The following FHIT variants were observed in gnomAD, a reference collection of about 807,000 sequenced individuals.
FHIT encodes bis(5'-adenosyl)-triphosphatase.
In FHIT, 19 loss-of-function variants were observed where a neutral mutation model predicts 17.9. The observed-to-expected ratio is 1.06, with a 90% CI of 0.74 to 1.56. The LOEUF (loss-of-function observed/expected upper bound fraction) is 1.56, where lower values mean the gene tolerates loss of function less well. Among genes scored for constraint, FHIT ranks in the 40% most tolerant of loss-of-function variants. The pLI is 0.00. For synonymous variants in FHIT, 81 were observed against 69.7 expected (o/e 1.16, Z -0.81); for missense variants, 248 against 189.2 (o/e 1.31, Z -1.82).
chr3:59,754,940 T>TA (rs1701129730), intron 8 of FHIT, among the ~76,000 whole-genome samples: 2 of 149,376 alleles, frequency 1.3e-5, no homozygotes, highest in Non-Finnish European at 3.0e-5. Flanking sequence ...TAGGAAGCTT[T>TA]AAAAAATAAA....
intron 5 of FHIT, among the ~76,000 whole-genome samples, chr3:60,501,890 G>A (rs1286068379): frequency 6.6e-6 from 1 of 152,214 alleles, no homozygotes; most frequent in Non-Finnish European, 1.5e-5. Flanking sequence ...TAGGAGTGAA[G>A]TACTCAAAGA....
intron 4 of FHIT, among the ~76,000 whole-genome samples, chr3:60,786,384 A>G (rs916835764): frequency 6.6e-6 from 1 of 152,230 alleles, no homozygotes; most frequent in Non-Finnish European, 1.5e-5. Flanking sequence ...CAAAATTTTG[A>G]AAGTTATTAA....
intron 5 of FHIT, among the ~76,000 whole-genome samples, chr3:60,086,241 C>T (rs1028650062): frequency 4.6e-5 from 7 of 152,106 alleles, no homozygotes; most frequent in East Asian, 1.9e-4. Flanking sequence ...GGACAGGCAT[C>T]GATCTATTCA....
At chr3:60,032,509 G>A (rs1041877235) in intron 5 of FHIT, among the ~76,000 whole-genome samples, 4 of 151,920 alleles carry the variant, frequency 2.6e-5, no homozygotes, top group South Asian at 2.1e-4. Context: ...GTATACAAGC[G>A]TCACCAACAG....
chr3:60,141,214 G>T (rs1225049422), intron 5 of FHIT, among the ~76,000 whole-genome samples: 1 of 151,936 alleles, frequency 6.6e-6, no homozygotes, highest in African/African-American at 2.4e-5. Context: ...CCCTCTCCCT[G>T]TCTAAATGCA....
At chr3:60,075,667 C>A (rs1228098511) in intron 5 of FHIT, among the ~76,000 whole-genome samples, 1 of 151,914 alleles carries the variant, frequency 6.6e-6, no homozygotes, top group Admixed American at 6.6e-5. Flanking sequence ...ATTCCCCAGA[C>A]TAATAGGAAT....
chr3:60,757,105 T>C (rs1553718486), intron 4 of FHIT, among the ~76,000 whole-genome samples: 1 of 152,198 alleles, frequency 6.6e-6, no homozygotes, highest in Non-Finnish European at 1.5e-5. Context: ...TATTCAAGTA[T>C]GTGTTATTAA....
chr3:61,048,743 A>G (rs531658200), intron 2 of FHIT, among the ~76,000 whole-genome samples: 1 of 151,664 alleles, frequency 6.6e-6, no homozygotes, highest in East Asian at 1.9e-4. Flanking sequence ...GTCCAACAAT[A>G]GACTGGATTA....
At chr3:60,249,398 G>A (rs1705571566) in intron 5 of FHIT, among the ~76,000 whole-genome samples, 1 of 152,054 alleles carries the variant, frequency 6.6e-6, no homozygotes, top group Non-Finnish European at 1.5e-5. Flanking sequence ...GTGCTCTGAG[G>A]GAGGCTGACT....
At chr3:60,787,763 C>A (rs1700633201) in intron 4 of FHIT, among the ~76,000 whole-genome samples, 1 of 152,226 alleles carries the variant, frequency 6.6e-6, no homozygotes, top group Non-Finnish European at 1.5e-5. Flanking sequence ...TGTCACCCAA[C>A]ATGTACATTC....
chr3:60,092,528 G>A lies in FHIT; in HGVS notation c.104-78376C>T, dbSNP rs143349741. Among the ~76,000 whole-genome samples, 114 of 152,300 alleles carry A rather than the reference G, an allele frequency of 7.5e-4. 1 individual carries two copies. The highest frequency in any genetic ancestry group is 2.6e-3 in the African/African-American group (109 of 41,576). On this transcript the variant is annotated intron_variant, in intron 5 of 9. Coordinates refer to ENST00000492590, the MANE Select transcript of FHIT (RefSeq NM_002012.4). ...TTTAACTAAAAAGTATGTGAAACAT[G>A]ATAGCATTTCTAGATTGATTCCATT...
chr3:59,947,653 G>C (rs1012057339), intron 7 of FHIT, among the ~76,000 whole-genome samples: 4 of 152,194 alleles, frequency 2.6e-5, no homozygotes, highest in East Asian at 1.9e-4. Flanking sequence ...ACCCTGGGGG[G>C]GCTGGTACCA....
chr3:60,659,238 C>T (rs1163469288), intron 4 of FHIT, among the ~76,000 whole-genome samples: 2 of 151,922 alleles, frequency 1.3e-5, no homozygotes, highest in African/African-American at 4.8e-5. Context: ...TATACTGTGT[C>T]TTGTGTCTTG....
chr3:60,213,693 G>T (rs1050273771), intron 5 of FHIT, among the ~76,000 whole-genome samples: 4 of 152,124 alleles, frequency 2.6e-5, no homozygotes, highest in African/African-American at 4.8e-5. Flanking sequence ...TAATTAAACA[G>T]ATGGAAACCA....
chr3:61,209,277 A>T (rs1239457143), intron 1 of FHIT, among the ~76,000 whole-genome samples: 1 of 152,170 alleles, frequency 6.6e-6, no homozygotes, highest in African/African-American at 2.4e-5. Flanking sequence ...ACTTTGGTGA[A>T]TCTGACAATG....
At chr3:60,014,816 G>A (rs1339141119) in intron 5 of FHIT, among the ~76,000 whole-genome samples, 3 of 152,022 alleles carry the variant, frequency 2.0e-5, no homozygotes, top group Admixed American at 6.6e-5. Context: ...TGAACGAAAG[G>A]TTGTCTGTTT....
chr3:59,882,125 G>C (rs1703433381), intron 8 of FHIT, among the ~76,000 whole-genome samples: 1 of 151,466 alleles, frequency 6.6e-6, no homozygotes, highest in Non-Finnish European at 1.5e-5. Flanking sequence ...TTCAGGCACA[G>C]ACATGCTCAA....
intron 5 of FHIT, among the ~76,000 whole-genome samples, chr3:60,501,148 G>A (rs779832111): frequency 2.0e-5 from 3 of 152,162 alleles, no homozygotes; most frequent in Non-Finnish European, 2.9e-5. Context: ...TCACTCACCT[G>A]AGAACAAGCC....
In FHIT at chr3:59,769,731, ATT is replaced by A. The variant is rs11352722; in HGVS notation, c.349-17412_349-17411del. Among the ~76,000 whole-genome samples, 1,048 of 129,710 alleles carry A rather than the reference ATT, an allele frequency of 8.1e-3. 5 individuals carry two copies. Among genetic ancestry groups the A allele is most frequent in the African/African-American group, 0.02 (709 of 36,266 alleles). 85.1% of individuals were successfully genotyped at this position (129,710 alleles called of 152,430 possible). Reference sequence around the variant, plus strand: ...TTTTCTCAATACTGGACTAGTTTTGATTTTTTTTTTTTTTTTGAAAAAAATGG... The same window carrying A: ...TTTTCTCAATACTGGACTAGTTTTGATTTTTTTTTTTTTTGAAAAAAATGG... On this transcript the variant is annotated intron_variant, in intron 8 of 9. Transcript: ENST00000492590.
Sources: allele counts gnomAD v4.1 joint callset (sites outside exome capture counted in the v4.1 genomes callset), GRCh38; gene constraint gnomAD v4.1.1; transcripts MANE v1.5; gene names NCBI Gene and HGNC (gene_info 2026-07-23, HGNC 2026-07-21).